The following ACBD6 variants were observed in gnomAD, a reference collection of about 807,000 sequenced individuals.
ACBD6 encodes acyl-CoA-binding domain-containing protein 6.
A neutral mutation model predicts 37.2 loss-of-function variants in ACBD6; 28 were observed. The observed-to-expected ratio is 0.75, with a 90% CI of 0.56 to 1.03. The LOEUF is 1.03. Ranked by LOEUF, ACBD6 falls within the 50% of genes least tolerant of loss-of-function variation. The pLI is 0.00. For missense variants in ACBD6, 340 were observed against 337.4 expected, an observed-to-expected ratio of 1.01 and a Z score of -0.06; for synonymous variants, 113 against 126.8, an observed-to-expected ratio of 0.89 and a Z score of 0.73.
intron 7 of ACBD6, among the ~76,000 whole-genome samples, chr1:180,296,295 A>G (rs2149281060): frequency 6.6e-6 from 1 of 152,348 alleles, no homozygotes; most frequent in African/African-American, 2.4e-5. Flanking sequence ...ATGAGGTTGA[A>G]GGAAAGTTGT....
intron 6 of ACBD6, among the ~76,000 whole-genome samples, chr1:180,321,450 T>C (rs1039735400): frequency 6.6e-6 from 1 of 152,196 alleles, no homozygotes; most frequent in Non-Finnish European, 1.5e-5. Context: ...CCTTTGTGTG[T>C]TCCCTTCAAT....
At chr1:180,392,978 T>C (rs1245261089) in intron 6 of ACBD6, among the ~76,000 whole-genome samples, 1 of 152,202 alleles carries the variant, frequency 6.6e-6, no homozygotes, top group Non-Finnish European at 1.5e-5. Flanking sequence ...CTACTCCTCC[T>C]ACCAATAAAT....
chr1:180,416,552 T>C (rs1648103532), intron 4 of ACBD6, among the ~76,000 whole-genome samples: 1 of 152,198 alleles, frequency 6.6e-6, no homozygotes, highest in African/African-American at 2.4e-5. Context: ...GTGAGTTATG[T>C]TTATGATGCT....
intron 3 of ACBD6, among the ~76,000 whole-genome samples, chr1:180,439,577 G>A (rs143339127): frequency 0.02 from 2,977 of 150,828 alleles, 99 homozygotes; most frequent in African/African-American, 0.067. Flanking sequence ...GCGACACAGC[G>A]AGACTCCGTC....
Position 180,317,788 on chromosome 1 carries a change from A to G in ACBD6, c.664-3066T>C, listed in dbSNP as rs146713349. 8.5e-5 allele frequency among the ~76,000 whole-genome samples: 13 copies of G among 152,304 alleles called. No homozygotes were observed. In the East Asian group the frequency reaches 2.5e-3, roughly 29 times the overall value. ...TCACTTGTAAACAAGAGTCTTCACT[A>G]ACCCAGAATGCAAGGCATTTCATGA... is the stretch of plus-strand genomic sequence containing the variant. On this transcript the variant is annotated intron_variant, in intron 6 of 7. Transcript: ENST00000367595.
At chr1:180,291,306 A>C (rs1417793688) in intron 7 of ACBD6, among the ~76,000 whole-genome samples, 1 of 152,220 alleles carries the variant, frequency 6.6e-6, no homozygotes, top group Non-Finnish European at 1.5e-5. Context: ...GGAAACTACC[A>C]AACTTTTCTA....
At chr1:180,447,980 C>A (rs919154711) in intron 3 of ACBD6, among the ~76,000 whole-genome samples, 1 of 151,900 alleles carries the variant, frequency 6.6e-6, no homozygotes, top group Non-Finnish European at 1.5e-5. Context: ...TTGAAGTTAC[C>A]CACGGGTTTA....
intron 7 of ACBD6, among the ~76,000 whole-genome samples, chr1:180,307,712 T>C (rs1168349890): frequency 1.3e-5 from 2 of 152,188 alleles, no homozygotes; most frequent in Non-Finnish European, 2.9e-5. Flanking sequence ...CCCAGCACTT[T>C]GGGAGGCCAA....
chr1:180,318,164 C>CG lies in ACBD6; in HGVS notation c.664-3443_664-3442insC, dbSNP rs765893926. On this transcript the variant is annotated intron_variant, in intron 6 of 7. Coordinates refer to ENST00000367595, the MANE Select transcript of ACBD6 (RefSeq NM_032360.4). ...GTGACAGAGTAAGATTCCATCTCCG[C>CG]CCCCCCCCCCCAAAAAAAAAAGAAA... Among the ~76,000 whole-genome samples, 19 of 6,478 alleles carry CG rather than the reference C, an allele frequency of 2.9e-3. 1 individual carries two copies. Among genetic ancestry groups the CG allele is most frequent in the Middle Eastern group, 0.028 (1 of 36 alleles). 4.2% of individuals were successfully genotyped at this position (6,478 alleles called of 152,430 possible).
At chr1:180,500,013 G>A (rs370203050) in intron 1 of ACBD6, among the ~76,000 whole-genome samples, 3 of 151,940 alleles carry the variant, frequency 2.0e-5, no homozygotes, top group African/African-American at 7.2e-5. Flanking sequence ...TTCAGGAGGC[G>A]TAAGCAGGAG....
At chr1:180,327,653 CTTTAA>C (rs745453472) in intron 6 of ACBD6, among the ~76,000 whole-genome samples, 1 of 152,138 alleles carries the variant, frequency 6.6e-6, no homozygotes, top group Non-Finnish European at 1.5e-5. Flanking sequence ...TAATTTTAGT[CTTTAA>C]TTTAACCTTT....
Position 180,463,269 on chromosome 1 carries a change from G to A in ACBD6, c.384+29000C>T, listed in dbSNP as rs188423238. On this transcript the variant is annotated intron_variant, in intron 3 of 7. Transcript: ENST00000367595. Reference sequence around the variant, plus strand: ...AGACATAAAACTCATTCAAAAGATCGATGAATCCAGAAGCTGGTTTTTTGA... The same window carrying A: ...AGACATAAAACTCATTCAAAAGATCAATGAATCCAGAAGCTGGTTTTTTGA... Among the ~76,000 whole-genome samples the A allele has an allele frequency of 9.9e-5, 15 of 152,138 alleles. 1 individual carries two copies. In the East Asian group the frequency reaches 1.9e-3, roughly 20 times the overall value.
intron 6 of ACBD6, among the ~76,000 whole-genome samples, chr1:180,388,598 T>C (rs1458730840): frequency 1.5e-5 from 1 of 66,548 alleles, no homozygotes; most frequent in Non-Finnish European, 3.7e-5. Context: ...TAAACACAGA[T>C]CAATTTTTTT....
intron 2 of ACBD6, 124 bp downstream of exon 2, chr1:180,495,337 T>C (rs116424994): frequency 1.4e-4 from 93 of 682,828 alleles, no homozygotes; most frequent in Non-Finnish European, 2.1e-4. Context: ...CTGTCATTAG[T>C]ACAATCTACA....
intron 3 of ACBD6, among the ~76,000 whole-genome samples, chr1:180,459,661 T>C (rs1230986004): frequency 6.6e-6 from 1 of 152,230 alleles, no homozygotes; most frequent in Non-Finnish European, 1.5e-5. Flanking sequence ...ATGTGAAATG[T>C]CAAGTTTCTC....
intron 6 of ACBD6, among the ~76,000 whole-genome samples, chr1:180,318,169 C>CT (rs71822070): frequency 3.9e-5 from 4 of 103,866 alleles, no homozygotes; most frequent in East Asian, 2.7e-4. Context: ...CTCCGCCCCC[C>CT]CCCCCCAAAA....
chr1:180,294,819 T>C (rs80261041), intron 7 of ACBD6, among the ~76,000 whole-genome samples: 9 of 151,598 alleles, frequency 5.9e-5, no homozygotes, highest in Non-Finnish European at 1.3e-4. Flanking sequence ...CTCAGCCTCC[T>C]GAGTAGCTGG....
chr1:180,429,441 CTTCCTTTTTAAGGCTGAATAATA>C, intron 4 of ACBD6, among the ~76,000 whole-genome samples: 1 of 152,180 alleles, frequency 6.6e-6, no homozygotes, highest in Non-Finnish European at 1.5e-5. Flanking sequence ...TCAAAATTTC[CTTCCTTTTTAAGGCTGAATAATA>C]TTCCATTGTA....
chr1:180,306,090 G>C (rs1190033989), intron 7 of ACBD6, among the ~76,000 whole-genome samples: 1 of 124,058 alleles, frequency 8.1e-6, no homozygotes, highest in Non-Finnish European at 1.6e-5. Flanking sequence ...ACACCCCGGG[G>C]ACTGTTGTGG....
Sources: gnomAD v4.1 joint callset for allele counts (sites outside exome capture counted in the v4.1 genomes callset) on GRCh38, gnomAD v4.1.1 for gene constraint, MANE v1.5 for transcripts, NCBI Gene and HGNC (gene_info 2026-07-23, HGNC 2026-07-21) for gene names.